KCNIP4: variants seen among roughly 807,000 people sequenced by gnomAD.
The protein encoded by KCNIP4 is Kv channel-interacting protein 4.
In KCNIP4, 12 loss-of-function variants were observed where a neutral mutation model predicts 34.0. The ratio of observed to expected loss-of-function variants is 0.35; its 90% CI spans 0.23 to 0.57. KCNIP4 has a LOEUF of 0.57. Ranked by LOEUF, KCNIP4 falls within the 20% of genes least tolerant of loss-of-function variation. The pLI is 0.83. For missense variants in KCNIP4, 238 were observed against 311.7 expected (o/e 0.76, Z 1.78); for synonymous variants, 124 against 102.2 (o/e 1.21, Z -1.29).
chr4:20,875,021 G>A (rs2149514722), intron 2 of KCNIP4, among the ~76,000 whole-genome samples: 1 of 152,052 alleles, frequency 6.6e-6, no homozygotes, highest in African/African-American at 2.4e-5. Context: ...CTCAATGGCT[G>A]CTGCAATGCT....
intron 1 of KCNIP4, among the ~76,000 whole-genome samples, chr4:21,284,208 G>A (rs11935763): frequency 0.019 from 2,780 of 147,238 alleles, 93 homozygotes; most frequent in African/African-American, 0.064. Flanking sequence ...GCGAGACTCC[G>A]TCTCAAAAAA....
intron 1 of KCNIP4, among the ~76,000 whole-genome samples, chr4:21,106,153 A>G (rs1348510127): frequency 6.6e-6 from 1 of 151,520 alleles, no homozygotes; most frequent in East Asian, 1.9e-4. Flanking sequence ...ATTGATTGGA[A>G]TAGTTTCAGA....
intron 1 of KCNIP4, among the ~76,000 whole-genome samples, chr4:21,508,834 G>A (rs1238777366): frequency 6.6e-6 from 1 of 152,162 alleles, no homozygotes; most frequent in Non-Finnish European, 1.5e-5. Context: ...TCAACTCTAG[G>A]ATACCACCTT....
intron 1 of KCNIP4, among the ~76,000 whole-genome samples, chr4:21,312,727 A>T (rs1713316102): frequency 6.6e-6 from 1 of 152,176 alleles, no homozygotes; most frequent in African/African-American, 2.4e-5. Context: ...TGCATTCATG[A>T]CAACTTTCTC....
chr4:21,645,289 C>T (rs528848222), intron 1 of KCNIP4, among the ~76,000 whole-genome samples: 1 of 152,100 alleles, frequency 6.6e-6, no homozygotes, highest in African/African-American at 2.4e-5. Context: ...CCATATCATA[C>T]ATTTAGTAAG....
intron 1 of KCNIP4, among the ~76,000 whole-genome samples, chr4:21,260,420 A>T (rs2109103042): frequency 6.6e-6 from 1 of 152,242 alleles, no homozygotes; most frequent in Non-Finnish European, 1.5e-5. Context: ...TAAGGCAAAC[A>T]TTTTTGCGTT....
rs770568451 is a variant in KCNIP4, at chr4:21,866,762, A to ATTTTT, written c.61+81804_61+81808dup. 3.8e-3 allele frequency among the ~76,000 whole-genome samples: 315 copies of ATTTTT among 82,708 alleles called. 7 individuals are homozygous for ATTTTT. Among genetic ancestry groups the ATTTTT allele is most frequent in the Middle Eastern group, 0.03 (2 of 66 alleles). 54.3% of individuals were successfully genotyped at this position (82,708 alleles called of 152,430 possible). On this transcript the variant is annotated intron_variant, in intron 1 of 8. Transcript: ENST00000382152. The stretch of plus-strand genomic sequence containing the variant: ...AAGTGAATTCCATAGTTCAGCCTGG[A>ATTTTT]TTTTTTTTTTTTTTTTTTTTTTTTT...
At chr4:21,823,375 C>T (rs1236218469) in intron 1 of KCNIP4, among the ~76,000 whole-genome samples, 1 of 147,256 alleles carries the variant, frequency 6.8e-6, no homozygotes, top group Non-Finnish European at 1.5e-5. Context: ...TAAGTGTATG[C>T]TAGAGGGGTT....
intron 1 of KCNIP4, among the ~76,000 whole-genome samples, chr4:21,238,581 C>T (rs1309054177): frequency 1.3e-5 from 2 of 152,082 alleles, no homozygotes; most frequent in Non-Finnish European, 2.9e-5. Flanking sequence ...TCTTATACAC[C>T]AATAACAGAC....
intron 1 of KCNIP4, among the ~76,000 whole-genome samples, chr4:21,123,653 G>C (rs1369044419): frequency 2.6e-5 from 4 of 152,050 alleles, no homozygotes; most frequent in Non-Finnish European, 2.9e-5. Flanking sequence ...ATAAATATTT[G>C]TATGCCCCTA....
intron 4 of KCNIP4, 105 bp downstream of exon 4, chr4:20,758,716 C>T (rs1754689610): frequency 3.5e-6 from 3 of 856,544 alleles, no homozygotes; most frequent in Non-Finnish European, 5.7e-6. Context: ...AATTCTTTTA[C>T]ATAACGATTA....
At chr4:21,489,834 T>C (rs115942775) in intron 1 of KCNIP4, among the ~76,000 whole-genome samples, 5,730 of 152,136 alleles carry the variant, frequency 0.038, 315 homozygotes, top group African/African-American at 0.12. Context: ...AATGAGCTTA[T>C]ATAAACACTG....
chr4:21,834,962 A>G (rs1310494003), intron 1 of KCNIP4, among the ~76,000 whole-genome samples: 2 of 152,082 alleles, frequency 1.3e-5, no homozygotes, highest in Non-Finnish European at 2.9e-5. Context: ...CATGGTGGAT[A>G]AGCTTTTTGA....
intron 1 of KCNIP4, among the ~76,000 whole-genome samples, chr4:21,054,123 T>C (rs1409353724): frequency 6.6e-6 from 1 of 152,118 alleles, no homozygotes; most frequent in Non-Finnish European, 1.5e-5. Flanking sequence ...AAAGTTTATA[T>C]GGAGAGGCAA....
intron 1 of KCNIP4, among the ~76,000 whole-genome samples, chr4:21,381,787 T>C (rs866340162): frequency 1.3e-5 from 2 of 152,154 alleles, no homozygotes; most frequent in African/African-American, 2.4e-5. Context: ...ACTCCCAGCT[T>C]TATTTTCTGT....
intron 1 of KCNIP4, among the ~76,000 whole-genome samples, chr4:21,919,084 G>T (rs1050039326): frequency 6.6e-6 from 1 of 152,124 alleles, no homozygotes; most frequent in Admixed American, 6.5e-5. Context: ...AACCTAGGCT[G>T]CCCCATAACT....
At chr4:21,158,402 A>C (rs1753315532) in intron 1 of KCNIP4, among the ~76,000 whole-genome samples, 1 of 152,206 alleles carries the variant, frequency 6.6e-6, no homozygotes. Context: ...AAAATTTCTA[A>C]AGAAAATGCC....
At chr4:21,872,261 T>C (rs902984798) in intron 1 of KCNIP4, among the ~76,000 whole-genome samples, 1 of 152,102 alleles carries the variant, frequency 6.6e-6, no homozygotes, top group African/African-American at 2.4e-5. Context: ...CTACCTTCTT[T>C]CTCACAGGCC....
chr4:21,303,852 C>G, intron 1 of KCNIP4: 5 of 1,613,994 alleles, frequency 3.1e-6, no homozygotes, highest in Non-Finnish European at 4.2e-6. Context: ...AATAATTTAA[C>G]AAAAAGCACA....
Sources: allele counts gnomAD v4.1 joint callset (sites outside exome capture counted in the v4.1 genomes callset), GRCh38; gene constraint gnomAD v4.1.1; transcripts MANE v1.5; gene names NCBI Gene and HGNC (gene_info 2026-07-23, HGNC 2026-07-21).